COG5: variants seen among roughly 807,000 people sequenced by gnomAD.
The protein encoded by COG5 is conserved oligomeric Golgi complex subunit 5.
A neutral mutation model predicts 110.4 loss-of-function variants in COG5; 86 were observed. That is an observed-to-expected ratio of 0.78 (90% CI 0.65 to 0.93). The LOEUF is 0.93. Among genes scored for constraint, COG5 ranks in the 40% least tolerant of loss-of-function variants. COG5 has a pLI of 0.00. For missense variants in COG5, 1,077 were observed against 987.0 expected (o/e 1.09, Z -1.22); for synonymous variants, 360 against 334.6 (o/e 1.08, Z -0.83).
intron 5 of COG5, among the ~76,000 whole-genome samples, chr7:107,530,462 G>A (rs1801115843): frequency 6.6e-6 from 1 of 152,054 alleles, no homozygotes; most frequent in African/African-American, 2.4e-5. Flanking sequence ...TTAGCTGGGT[G>A]TGGTGGCATA....
chr7:107,288,525 G>A (rs942244187), intron 12 of COG5, among the ~76,000 whole-genome samples: 7 of 151,970 alleles, frequency 4.6e-5, no homozygotes, highest in South Asian at 2.1e-4. Flanking sequence ...TGACATAGTG[G>A]TTCTGATTTG....
chr7:107,287,339 T>A (rs1805725784), intron 12 of COG5, among the ~76,000 whole-genome samples: 2 of 152,318 alleles, frequency 1.3e-5, no homozygotes, highest in South Asian at 4.1e-4. Flanking sequence ...AAGCTGCAGT[T>A]GAGAAAAATT....
intron 6 of COG5, among the ~76,000 whole-genome samples, chr7:107,428,167 C>T (rs945255767): frequency 1.3e-5 from 2 of 152,014 alleles, no homozygotes; most frequent in African/African-American, 2.4e-5. Flanking sequence ...ATATGGTATG[C>T]GGATTTATAT....
intron 10 of COG5, among the ~76,000 whole-genome samples, chr7:107,360,335 C>T (rs563360132): frequency 3.3e-5 from 5 of 152,238 alleles, no homozygotes; most frequent in Non-Finnish European, 7.3e-5. Context: ...GCTCACCTTC[C>T]AGTTGTCCAC....
At chr7:107,506,846 T>A (rs1799052669) in intron 6 of COG5, among the ~76,000 whole-genome samples, 1 of 152,124 alleles carries the variant, frequency 6.6e-6, no homozygotes, top group Non-Finnish European at 1.5e-5. Flanking sequence ...CCTAGGAAAT[T>A]CTTCCTCATT....
chr7:107,563,374 A>T (rs1284052838), intron 1 of COG5: 1 of 283,092 alleles, frequency 3.5e-6, no homozygotes, highest in Non-Finnish European at 6.9e-6. Flanking sequence ...TTCCAGCTCT[A>T]CTTTAAAACA....
chr7:107,351,054 C>T (rs1162597679), intron 10 of COG5, among the ~76,000 whole-genome samples: 1 of 152,142 alleles, frequency 6.6e-6, no homozygotes, highest in Non-Finnish European at 1.5e-5. Context: ...GTGACACAGC[C>T]TTTAAGAACA....
intron 6 of COG5, among the ~76,000 whole-genome samples, chr7:107,422,304 T>C (rs1329079310): frequency 6.6e-6 from 1 of 152,210 alleles, no homozygotes; most frequent in Non-Finnish European, 1.5e-5. Flanking sequence ...TGTTGATTTT[T>C]AAGTTTTTGT....
At chr7:107,316,019 G>A (rs1184418025) in intron 11 of COG5, among the ~76,000 whole-genome samples, 1 of 152,142 alleles carries the variant, frequency 6.6e-6, no homozygotes, top group Non-Finnish European at 1.5e-5. Context: ...GTAGGTCATT[G>A]CTTCCCTTAA....
At chr7:107,218,433 T>TA (rs1799673849) in intron 19 of COG5, among the ~76,000 whole-genome samples, 1 of 152,078 alleles carries the variant, frequency 6.6e-6, no homozygotes, top group Non-Finnish European at 1.5e-5. Context: ...GAGGTATCAC[T>TA]ACCTAATTTT....
chr7:107,449,737 C>T (rs986516329), intron 6 of COG5, among the ~76,000 whole-genome samples: 1 of 152,086 alleles, frequency 6.6e-6, no homozygotes, highest in African/African-American at 2.4e-5. Context: ...TATGGTTGCC[C>T]ACCATCTCAA....
chr7:107,395,438 T>A (rs1790914708), intron 7 of COG5, among the ~76,000 whole-genome samples: 1 of 151,544 alleles, frequency 6.6e-6, no homozygotes. Flanking sequence ...TCAAAGTAGC[T>A]ATCTTTCACT....
At chr7:107,295,565 T>C (rs1806669767) in intron 12 of COG5, among the ~76,000 whole-genome samples, 1 of 152,100 alleles carries the variant, frequency 6.6e-6, no homozygotes, top group South Asian at 2.1e-4. Flanking sequence ...CCCATCTCTT[T>C]TTCTCTCCAC....
chr7:107,352,327 C>A (rs1199985077), intron 10 of COG5, among the ~76,000 whole-genome samples: 1 of 146,966 alleles, frequency 6.8e-6, no homozygotes, highest in Non-Finnish European at 1.5e-5. Context: ...GGAGGGATAG[C>A]ATTAGGAGAT....
chr7:107,203,030 A>C lies in COG5; in HGVS notation c.*486T>G, dbSNP rs1205680888. On this transcript the variant is annotated 3_prime_UTR_variant, in exon 22 of 22. Transcript: ENST00000297135. ...CTCCCACTCCTAGACATGTTAATTA[A>C]TGTGGAGTGCAAGTTGGGCATCAGG... 6.2e-6 allele frequency: 1 copy of C among 162,536 alleles called. No homozygotes were observed. Among genetic ancestry groups the C allele is most frequent in the Admixed American group, 5.8e-5 (1 of 17,162 alleles). 10.1% of individuals were successfully genotyped at this position (162,536 alleles called of 1,614,324 possible). A position where few individuals can be genotyped will look rare whatever the true frequency, so the allele number is the denominator to read the frequency against.
chr7:107,379,062 C>T (rs909402377), intron 7 of COG5, among the ~76,000 whole-genome samples: 6 of 152,170 alleles, frequency 3.9e-5, no homozygotes, highest in South Asian at 2.1e-4. Context: ...ATCAGACTAA[C>T]GGCAGATCTC....
At chr7:107,347,101 C>G (rs1049405476) in intron 10 of COG5, among the ~76,000 whole-genome samples, 1 of 152,086 alleles carries the variant, frequency 6.6e-6, no homozygotes, top group East Asian at 1.9e-4. Flanking sequence ...GAGAGACAAA[C>G]AGAAAGTTAT....
At chr7:107,312,606 A>G (rs1808370939) in intron 11 of COG5, among the ~76,000 whole-genome samples, 1 of 152,144 alleles carries the variant, frequency 6.6e-6, no homozygotes. Flanking sequence ...GGTATTTGTA[A>G]ATGCTGAGGA....
chr7:107,441,442 T>C (rs1794702493), intron 6 of COG5, among the ~76,000 whole-genome samples: 1 of 152,128 alleles, frequency 6.6e-6, no homozygotes, highest in Non-Finnish European at 1.5e-5. Flanking sequence ...TTGTCGTTTA[T>C]GCCTTTTTAG....
Sources: gnomAD v4.1 joint callset for allele counts (sites outside exome capture counted in the v4.1 genomes callset) on GRCh38, gnomAD v4.1.1 for gene constraint, MANE v1.5 for transcripts, NCBI Gene and HGNC (gene_info 2026-07-23, HGNC 2026-07-21) for gene names.